The following SLC7A2 variants were observed in gnomAD, a reference collection of about 807,000 sequenced individuals.
The protein encoded by SLC7A2 is cationic amino acid transporter 2.
SLC7A2 carries 48 observed loss-of-function variants against 58.9 expected under a neutral mutation model. That is an observed-to-expected ratio of 0.82 (90% CI 0.65 to 1.04). The LOEUF is 1.04. Ranked by LOEUF, SLC7A2 falls within the 50% of genes least tolerant of loss-of-function variation. The pLI is 0.00. For synonymous variants in SLC7A2, 363 were observed against 314.5 expected (o/e 1.15, Z -1.63); for missense variants, 1,029 against 818.8 (o/e 1.26, Z -3.13).
chr8:17,495,289 C>T (rs558692646), upstream of SLC7A2, among the ~76,000 whole-genome samples: 1 of 152,040 alleles, frequency 6.6e-6, no homozygotes, highest in Non-Finnish European at 1.5e-5. Context: ...GACCAGATTA[C>T]TCACCCTTAA....
intron 2 of SLC7A2, among the ~76,000 whole-genome samples, chr8:17,513,764 T>C (rs930961326): frequency 1.3e-5 from 2 of 152,160 alleles, no homozygotes; most frequent in African/African-American, 4.8e-5. Flanking sequence ...GCAAGGACAT[T>C]TGACCAAGCA....
intron 2 of SLC7A2, among the ~76,000 whole-genome samples, chr8:17,506,592 C>T (rs575782764): frequency 4.5e-4 from 68 of 152,290 alleles, no homozygotes; most frequent in African/African-American, 1.1e-3. Flanking sequence ...CATTTTAGAA[C>T]GCTCTTTTTA....
intron 2 of SLC7A2, chr8:17,510,474 C>G (rs1161858908): frequency 6.6e-6 from 1 of 152,188 alleles, no homozygotes; most frequent in African/African-American, 2.4e-5. Flanking sequence ...TCCTATTTCT[C>G]CACAGCCTTG....
upstream of SLC7A2, among the ~76,000 whole-genome samples, chr8:17,495,010 G>A (rs1799922032): frequency 6.6e-6 from 1 of 152,182 alleles, no homozygotes; most frequent in Admixed American, 6.5e-5. Flanking sequence ...AGATAAATTT[G>A]TTTATCCCAA....
intron 2 of SLC7A2, chr8:17,538,957 TAGA>T (rs1387596485): frequency 1.9e-6 from 3 of 1,589,086 alleles, no homozygotes; most frequent in Non-Finnish European, 2.6e-6. Flanking sequence ...GATACTGATA[TAGA>T]AGATTAAGTT....
chr8:17,565,752 T>C lies in SLC7A2; in HGVS notation c.*606T>C, dbSNP rs1461662494. 6.6e-6 allele frequency: 1 copy of C among 152,396 alleles called. No individual in the cohort carries two copies. Among genetic ancestry groups the C allele is most frequent in the African/African-American group, 2.4e-5 (1 of 41,470 alleles). The allele number at this position is 152,396 out of a possible 1,614,324, so 9.4% of individuals were successfully genotyped here. A position where few individuals can be genotyped will look rare whatever the true frequency, so the allele number is the denominator to read the frequency against. On this transcript the variant is annotated 3_prime_UTR_variant, in exon 13 of 13. Transcript: ENST00000494857. ...CAGTGGGTTTAATGCAAATTTTTTT[T>C]CCTGTGAGGTATGACAGTTTGCTCA... is the stretch of plus-strand genomic sequence containing the variant.
chr8:17,499,872 G>C (rs1206490588), intron 1 of SLC7A2: 1 of 152,120 alleles, frequency 6.6e-6, no homozygotes, highest in Non-Finnish European at 1.5e-5. Flanking sequence ...TCTTGTCATT[G>C]TCTTCCATTT....
chr8:17,548,900 G>C (rs144868701), intron 5 of SLC7A2, 57 bp downstream of exon 5: 18 of 1,399,932 alleles, frequency 1.3e-5, no homozygotes, highest in East Asian at 6.8e-5. Flanking sequence ...TATTTTAAGT[G>C]GGTGTATTAG....
chr8:17,556,615 A>T (rs561041838), intron 8 of SLC7A2, among the ~76,000 whole-genome samples: 202 of 148,176 alleles, frequency 1.4e-3, no homozygotes, highest in African/African-American at 4.4e-3. Context: ...GCAATGAAGA[A>T]TTTTTTTTTT....
intron 2 of SLC7A2, among the ~76,000 whole-genome samples, chr8:17,537,139 C>G (rs527379633): frequency 6.6e-6 from 1 of 152,222 alleles, no homozygotes; most frequent in African/African-American, 2.4e-5. Flanking sequence ...TCACCGCAAC[C>G]TCTGCCTCCT....
intron 2 of SLC7A2, among the ~76,000 whole-genome samples, chr8:17,506,074 A>C (rs1040022574): frequency 6.6e-6 from 1 of 152,244 alleles, no homozygotes; most frequent in Non-Finnish European, 1.5e-5. Context: ...ATTGCAAAAG[A>C]AAGCCCTCTT....
chr8:17,560,408 C>G lies in SLC7A2; in HGVS notation c.1379C>G (p.Ser460Trp), dbSNP rs754454858. 8.7e-6 allele frequency: 14 copies of G among 1,614,002 alleles called. No homozygotes were observed. The African/African-American group carries it at 9.3e-5, about 11-fold the overall frequency. Reference protein sequence around the residue: ...DGLGSSPRVTSKSESQVTMLQ... With the variant: ...DGLGSSPRVTWKSESQVTMLQ... The stretch of plus-strand genomic sequence containing the variant: ...CTGGGATCGTCTCCCAGGGTAACCT[C>G]GAAGAGTGAGTCCCAGGTCACCATG... The change falls in exon 10 of 13, where the codon TCG becomes TGG. Residue 460 changes from serine to tryptophan, a missense_variant. Transcript: ENST00000494857.
At chr8:17,556,892 A>G (rs1050038563) in intron 8 of SLC7A2, among the ~76,000 whole-genome samples, 3 of 152,160 alleles carry the variant, frequency 2.0e-5, no homozygotes, top group African/African-American at 7.2e-5. Context: ...TACAGGTGTG[A>G]ACCTCTGTGC....
chr8:17,558,945 A>G (rs1019270784), intron 9 of SLC7A2, among the ~76,000 whole-genome samples: 9 of 152,220 alleles, frequency 5.9e-5, no homozygotes, highest in African/African-American at 2.2e-4. Flanking sequence ...TTATTTAAAT[A>G]ATAAATTTTC....
intron 2 of SLC7A2, among the ~76,000 whole-genome samples, chr8:17,528,684 C>G (rs1404201761): frequency 6.6e-6 from 1 of 152,136 alleles, no homozygotes; most frequent in Non-Finnish European, 1.5e-5. Flanking sequence ...GATTACAGGT[C>G]TGAGCCACTG....
chr8:17,540,230 C>G (rs937156180), intron 2 of SLC7A2, among the ~76,000 whole-genome samples: 2 of 152,102 alleles, frequency 1.3e-5, no homozygotes, highest in African/African-American at 4.8e-5. Flanking sequence ...CATTATAGTC[C>G]TACAAAATTA....
intron 2 of SLC7A2, among the ~76,000 whole-genome samples, chr8:17,521,089 A>G (rs1462920372): frequency 1.3e-5 from 2 of 152,194 alleles, no homozygotes; most frequent in Non-Finnish European, 2.9e-5. Flanking sequence ...TTAGGCTAAT[A>G]TATGTAAGGT....
chr8:17,530,169 A>G (rs73566059), intron 2 of SLC7A2, among the ~76,000 whole-genome samples: 4,705 of 151,952 alleles, frequency 0.031, 233 homozygotes, highest in African/African-American at 0.11. Context: ...TTAATTTTCT[A>G]CGTTCCCCCC....
At chr8:17,512,805 C>T (rs1330054316) in intron 2 of SLC7A2, among the ~76,000 whole-genome samples, 1 of 152,114 alleles carries the variant, frequency 6.6e-6, no homozygotes, top group Admixed American at 6.5e-5. Context: ...CCTTCCCTTC[C>T]GCCCTGGCCA....
Sources: allele counts gnomAD v4.1 joint callset (sites outside exome capture counted in the v4.1 genomes callset), GRCh38; gene constraint gnomAD v4.1.1; transcripts MANE v1.5; gene names NCBI Gene and HGNC (gene_info 2026-07-23, HGNC 2026-07-21).